Variants in TPD52L1 observed in about 807,000 individuals in gnomAD.
The protein encoded by TPD52L1 is tumor protein D53.
In TPD52L1, 18 loss-of-function variants were observed where a neutral mutation model predicts 28.7. The observed-to-expected ratio is 0.63, with a 90% CI of 0.43 to 0.93. The LOEUF is 0.93. Ranked by LOEUF, TPD52L1 falls within the 40% of genes least tolerant of loss-of-function variation. The pLI is 0.00. For synonymous variants in TPD52L1, 75 were observed against 88.8 expected, an observed-to-expected ratio of 0.84 and a Z score of 0.88; for missense variants, 203 against 254.8, an observed-to-expected ratio of 0.80 and a Z score of 1.39.
intron 1 of TPD52L1, among the ~76,000 whole-genome samples, chr6:125,162,479 T>C (rs749402097): frequency 1.3e-5 from 2 of 152,158 alleles, no homozygotes; most frequent in Non-Finnish European, 2.9e-5. Context: ...AATAAACAAA[T>C]ACTTCAGCAG....
chr6:125,202,014 T>C (rs1295517238), intron 1 of TPD52L1, among the ~76,000 whole-genome samples: 5 of 152,236 alleles, frequency 3.3e-5, no homozygotes, highest in African/African-American at 1.2e-4. Flanking sequence ...AGACTGTCTA[T>C]ACGTCTGACC....
chr6:125,248,819 C>T (rs1797078348), intron 4 of TPD52L1, among the ~76,000 whole-genome samples: 1 of 151,914 alleles, frequency 6.6e-6, no homozygotes, highest in Non-Finnish European at 1.5e-5. Context: ...CATATTTATC[C>T]TTTTATTCCA....
intron 1 of TPD52L1, among the ~76,000 whole-genome samples, chr6:125,214,141 C>T (rs554495981): frequency 6.6e-6 from 1 of 152,224 alleles, no homozygotes; most frequent in South Asian, 2.1e-4. Context: ...CAGGACTAGA[C>T]ATTTGCTAAC....
At chr6:125,197,782 C>G (rs938743973) in intron 1 of TPD52L1, among the ~76,000 whole-genome samples, 1 of 152,156 alleles carries the variant, frequency 6.6e-6, no homozygotes, top group Non-Finnish European at 1.5e-5. Flanking sequence ...TGTCCATTAC[C>G]TGAAACAGCA....
intron 1 of TPD52L1, among the ~76,000 whole-genome samples, chr6:125,203,086 G>GA (rs769120781): frequency 3.3e-5 from 5 of 152,146 alleles, no homozygotes; most frequent in Non-Finnish European, 7.3e-5. Flanking sequence ...ATGTGAATTT[G>GA]AATATGTGTT....
chr6:125,178,566 A>C (rs1252630711), intron 1 of TPD52L1, among the ~76,000 whole-genome samples: 2 of 152,300 alleles, frequency 1.3e-5, no homozygotes, highest in Non-Finnish European at 2.9e-5. Flanking sequence ...GGTTGTGGTG[A>C]GCCAAGATCA....
intron 6 of TPD52L1, 50 bp downstream of exon 6, chr6:125,257,208 C>G: frequency 6.6e-7 from 1 of 1,516,352 alleles, no homozygotes; most frequent in South Asian, 1.2e-5. Flanking sequence ...CTCAGGACAG[C>G]TTAGCCATTG....
At chr6:125,193,584 G>A (rs527867930) in intron 1 of TPD52L1, among the ~76,000 whole-genome samples, 7 of 151,882 alleles carry the variant, frequency 4.6e-5, no homozygotes, top group African/African-American at 1.7e-4. Context: ...GCTGAGGAAG[G>A]GCAGAAAATA....
At chr6:125,159,583 C>T (rs143439655) in intron 1 of TPD52L1, among the ~76,000 whole-genome samples, 4 of 152,250 alleles carry the variant, frequency 2.6e-5, no homozygotes, top group African/African-American at 9.6e-5. Flanking sequence ...CCATGAATTA[C>T]GAATGTTCTT....
chr6:125,177,672 G>A (rs1791907982), intron 1 of TPD52L1, among the ~76,000 whole-genome samples: 2 of 152,056 alleles, frequency 1.3e-5, no homozygotes, highest in African/African-American at 2.4e-5. Context: ...ACTGTTTAGA[G>A]GCTTATTTTT....
chr6:125,153,833 G>C lies in TPD52L1; in HGVS notation c.-119G>C, dbSNP rs113558011. 35 of 1,194,986 alleles carry C rather than the reference G, an allele frequency of 2.9e-5. No homozygotes were observed. The African/African-American group carries it at 4.4e-4, about 15-fold the overall frequency. The allele number at this position is 1,194,986 out of a possible 1,614,324, so 74.0% of individuals were successfully genotyped here. A position where few individuals can be genotyped will look rare whatever the true frequency, so the allele number is the denominator to read the frequency against. ...CCCCTCCGCGCAGCGCTCGCGACAC[G>C]CGTGCCAGGAGTGGGAGCGAGCGGC... is the stretch of plus-strand genomic sequence containing the variant. On this transcript the variant is annotated 5_prime_UTR_variant, in exon 1 of 7. Coordinates refer to ENST00000534000, the MANE Select transcript of TPD52L1 (RefSeq NM_003287.4).
At position 125,205,035 on chromosome 6, in the gene TPD52L1, A is replaced by G. The variant is rs184817987; in HGVS notation, c.20-15043A>G. ...TTTAGCAAATAATCTTTTGCTGTTCATTTGGTTTTTCAAGTAGATTTTGTT... is the reference window on the plus strand; with the variant it reads ...TTTAGCAAATAATCTTTTGCTGTTCGTTTGGTTTTTCAAGTAGATTTTGTT... On this transcript the variant is annotated intron_variant, in intron 1 of 6. Transcript: ENST00000534000. 1.2e-4 allele frequency among the ~76,000 whole-genome samples: 19 copies of G among 152,290 alleles called. No homozygotes were observed. In the East Asian group the frequency reaches 3.7e-3, roughly 29 times the overall value.
At chr6:125,162,971 G>A (rs1483656182) in intron 1 of TPD52L1, among the ~76,000 whole-genome samples, 2 of 152,146 alleles carry the variant, frequency 1.3e-5, no homozygotes, top group East Asian at 3.9e-4. Context: ...AAGAAGACAG[G>A]ATTCAACTCC....
At chr6:125,174,791 C>T (rs1159338714) in intron 1 of TPD52L1, among the ~76,000 whole-genome samples, 2 of 152,136 alleles carry the variant, frequency 1.3e-5, no homozygotes, top group Non-Finnish European at 2.9e-5. Context: ...TCTCTTGTGG[C>T]TTGGATGTTG....
At chr6:125,254,594 C>A (rs3823218) in intron 5 of TPD52L1, among the ~76,000 whole-genome samples, 62,400 of 151,748 alleles carry the variant, frequency 0.41, 13,180 homozygotes, top group East Asian at 0.6. Flanking sequence ...CAGAGCTATG[C>A]CTCTTCTACC....
chr6:125,153,799 G>C lies in TPD52L1; in HGVS notation c.-153G>C, dbSNP rs530282695. ...GAAGCGGCTAGTGGCGGCTGCCTGC[G>C]TCCCCAACCCCCTCCGCGCAGCGCT... is the stretch of plus-strand genomic sequence containing the variant. On this transcript the variant is annotated 5_prime_UTR_variant, in exon 1 of 7. Transcript: ENST00000534000. The C allele has an allele frequency of 9.7e-6, 8 of 821,276 alleles. No individual in the cohort carries two copies. Among genetic ancestry groups the C allele is most frequent in the Middle Eastern group, 7.7e-4 (2 of 2,600 alleles). The allele number at this position is 821,276 out of a possible 1,614,324, so 50.9% of individuals were successfully genotyped here.
intron 1 of TPD52L1, among the ~76,000 whole-genome samples, chr6:125,179,603 G>A (rs1421338222): frequency 6.6e-6 from 1 of 152,180 alleles, no homozygotes; most frequent in Non-Finnish European, 1.5e-5. Flanking sequence ...AGGATAATAT[G>A]AGCGGTACCA....
In TPD52L1 at chr6:125,231,036, C is replaced by T. The variant is rs868208824; in HGVS notation, c.284+1770C>T. 1.3e-5 allele frequency among the ~76,000 whole-genome samples: 2 copies of T among 152,304 alleles called. 1 individual carries two copies. The highest frequency in any genetic ancestry group is 6.8e-3 in the Middle Eastern group (2 of 294). On this transcript the variant is annotated intron_variant, in intron 3 of 6. Coordinates refer to ENST00000534000, the MANE Select transcript of TPD52L1 (RefSeq NM_003287.4). ...TGAGCTTATCTGTCAGTAGTTTTGG[C>T]CTCTGTCTTTCCACTTTCGTGGCCA...
intron 5 of TPD52L1, among the ~76,000 whole-genome samples, chr6:125,254,443 A>C (rs956900341): frequency 6.6e-5 from 10 of 152,122 alleles, no homozygotes; most frequent in African/African-American, 2.2e-4. Flanking sequence ...TCTTGGGAAA[A>C]TCACCTCAAT....
Sources: gnomAD v4.1 joint callset for allele counts (sites outside exome capture counted in the v4.1 genomes callset) on GRCh38, gnomAD v4.1.1 for gene constraint, MANE v1.5 for transcripts, NCBI Gene and HGNC (gene_info 2026-07-23, HGNC 2026-07-21) for gene names.